The following ITFG1 variants were observed in gnomAD, a reference collection of about 807,000 sequenced individuals.
ITFG1 encodes integrin alpha FG-GAP repeat containing 1.
A neutral mutation model predicts 81.8 loss-of-function variants in ITFG1; 34 were observed. The observed-to-expected ratio is 0.42, with a 90% CI of 0.32 to 0.55. The LOEUF is 0.55. Among genes scored for constraint, ITFG1 ranks in the 20% least tolerant of loss-of-function variants. The pLI is 0.17. For missense variants in ITFG1, 672 were observed against 755.4 expected (o/e 0.89, Z 1.29); for synonymous variants, 285 against 270.6 (o/e 1.05, Z -0.52).
intron 8 of ITFG1, among the ~76,000 whole-genome samples, chr16:47,357,614 CAA>C (rs75054901): frequency 2.5e-4 from 15 of 61,112 alleles, no homozygotes; most frequent in Admixed American, 5.5e-4. Context: ...GACTCCGTCT[CAA>C]AAAAAAAAAA....
At chr16:47,229,088 T>C (rs1176648457) in intron 13 of ITFG1, among the ~76,000 whole-genome samples, 1 of 152,210 alleles carries the variant, frequency 6.6e-6, no homozygotes, top group Non-Finnish European at 1.5e-5. Context: ...TGTCAGGCAC[T>C]GTGCTGGGGA....
At chr16:47,310,227 A>T (rs1416223254) in intron 10 of ITFG1, among the ~76,000 whole-genome samples, 1 of 152,180 alleles carries the variant, frequency 6.6e-6, no homozygotes, top group Non-Finnish European at 1.5e-5. Flanking sequence ...AATGATAAAT[A>T]TTTCTCTAAA....
At chr16:47,358,879 CAT>C (rs1264969276) in intron 8 of ITFG1, among the ~76,000 whole-genome samples, 1 of 151,990 alleles carries the variant, frequency 6.6e-6, no homozygotes, top group Non-Finnish European at 1.5e-5. Context: ...GGTGAGGGCA[CAT>C]GAGTAGAATG....
chr16:47,236,776 C>G (rs915490023), intron 13 of ITFG1, among the ~76,000 whole-genome samples: 6 of 152,102 alleles, frequency 3.9e-5, no homozygotes, highest in African/African-American at 7.2e-5. Context: ...TGGGTTGGAC[C>G]AAACATTCAC....
At chr16:47,164,163 G>A (rs1012139935) in intron 14 of ITFG1, among the ~76,000 whole-genome samples, 12 of 142,126 alleles carry the variant, frequency 8.4e-5, no homozygotes, top group Middle Eastern at 3.5e-3. Flanking sequence ...TTTTGTTACT[G>A]TTTATTTGTT....
rs900701522 is a variant in ITFG1 at position 47,239,206 on chromosome 16, T to G, written c.1331-1198A>C. Among the ~76,000 whole-genome samples, 3 of 152,064 alleles carry G rather than the reference T, an allele frequency of 2.0e-5. No homozygotes were observed. The South Asian group carries it at 6.2e-4, about 32-fold the overall frequency. ...GTTTATAAATTACCCTAAGGTTTTT[T>G]TTTTTTTCTTTTTGAGACAGTCTCT... On this transcript the variant is annotated intron_variant, in intron 12 of 17. Coordinates refer to ENST00000320640, the MANE Select transcript of ITFG1 (RefSeq NM_030790.5).
chr16:47,400,760 G>C (rs1968651392), intron 6 of ITFG1, among the ~76,000 whole-genome samples: 1 of 152,116 alleles, frequency 6.6e-6, no homozygotes, highest in Non-Finnish European at 1.5e-5. Context: ...ATCTGGGGCA[G>C]AGGAAACAGC....
chr16:47,460,884 C>T lies in ITFG1; in HGVS notation c.162G>A (p.Gly54=), dbSNP rs1969527661. The change falls in exon 1 of 18, where the codon GGG becomes GGA. Residue 54 remains glycine, a synonymous_variant. Transcript: ENST00000320640. The part of the protein sequence containing the change: ...AEAWGTLAAF[G]DLNSDKQTDL... ...CCGTCTGCTTGTCGGAGTTGAGGTC[C>T]CCGAAAGCCGCAAGGGTGCCCCAGG... The T allele has an allele frequency of 6.2e-7, 1 of 1,613,682 alleles. No homozygotes were observed.
At chr16:47,341,696 A>T (rs535192380) in intron 8 of ITFG1, among the ~76,000 whole-genome samples, 2 of 152,320 alleles carry the variant, frequency 1.3e-5, no homozygotes, top group Admixed American at 1.3e-4. Context: ...ATCTAGATTG[A>T]CAAAAAGAGA....
intron 6 of ITFG1, among the ~76,000 whole-genome samples, chr16:47,427,511 A>T (rs146933599): frequency 0.02 from 3,086 of 152,238 alleles, 105 homozygotes; most frequent in African/African-American, 0.07. Context: ...CAAAAAAATT[A>T]GCTGGGCGTG....
At chr16:47,230,169 G>T (rs764405689) in intron 13 of ITFG1, among the ~76,000 whole-genome samples, 1 of 152,088 alleles carries the variant, frequency 6.6e-6, no homozygotes, top group South Asian at 2.1e-4. Context: ...AGTGAGAAGA[G>T]AACCTAGGAT....
rs148247922 is a variant in ITFG1, at chr16:47,190,319, T to G, written c.1454-27655A>C. Among the ~76,000 whole-genome samples, 682 of 152,250 alleles carry G rather than the reference T, an allele frequency of 4.5e-3. 6 individuals carry two copies. The highest frequency in any genetic ancestry group is 0.015 in the African/African-American group (637 of 41,530). ...TGAGAAGAGTTTTTTTAGTCCCAAG[T>G]TGCAAGATAGGTTATTTTTACTGAA... is the stretch of plus-strand genomic sequence containing the variant. On this transcript the variant is annotated intron_variant, in intron 14 of 17. Coordinates refer to ENST00000320640, the MANE Select transcript of ITFG1 (RefSeq NM_030790.5).
At chr16:47,273,193 C>T (rs1344061596) in intron 10 of ITFG1, among the ~76,000 whole-genome samples, 1 of 151,706 alleles carries the variant, frequency 6.6e-6, no homozygotes, top group Non-Finnish European at 1.5e-5. Context: ...TCCTTAATTC[C>T]CCAATTTCAT....
intron 8 of ITFG1, among the ~76,000 whole-genome samples, chr16:47,317,084 C>T (rs1157195039): frequency 6.6e-6 from 1 of 152,096 alleles, no homozygotes; most frequent in African/African-American, 2.4e-5. Flanking sequence ...TTACAAAAAC[C>T]AGTGTAAAAA....
At chr16:47,284,569 C>A (rs963373916) in intron 10 of ITFG1, among the ~76,000 whole-genome samples, 37 of 152,100 alleles carry the variant, frequency 2.4e-4, no homozygotes, top group Admixed American at 2.4e-3. Context: ...TAAATACAAT[C>A]CAAACAGCTA....
intron 8 of ITFG1, among the ~76,000 whole-genome samples, chr16:47,363,159 A>G (rs1174457862): frequency 6.6e-6 from 1 of 152,096 alleles, no homozygotes; most frequent in African/African-American, 2.4e-5. Flanking sequence ...TCAGCCTCCC[A>G]AAGTGTTGGC....
At chr16:47,243,614 A>G (rs1407971974) in intron 12 of ITFG1, among the ~76,000 whole-genome samples, 1 of 152,240 alleles carries the variant, frequency 6.6e-6, no homozygotes, top group Non-Finnish European at 1.5e-5. Context: ...GAACATATAT[A>G]ACATTATGGA....
chr16:47,288,547 T>C (rs890930274), intron 10 of ITFG1, among the ~76,000 whole-genome samples: 3 of 152,194 alleles, frequency 2.0e-5, no homozygotes, highest in Non-Finnish European at 4.4e-5. Flanking sequence ...TGTACTAATT[T>C]ACTTTCCCAC....
At chr16:47,229,535 T>C (rs371174205) in intron 13 of ITFG1, among the ~76,000 whole-genome samples, 5 of 152,030 alleles carry the variant, frequency 3.3e-5, no homozygotes, top group East Asian at 1.9e-4. Flanking sequence ...CCACTGAAGG[T>C]TTGTGTTTTA....
Sources: gnomAD v4.1 joint callset for allele counts (sites outside exome capture counted in the v4.1 genomes callset) on GRCh38, gnomAD v4.1.1 for gene constraint, MANE v1.5 for transcripts, NCBI Gene and HGNC (gene_info 2026-07-23, HGNC 2026-07-21) for gene names.